RSAD2: variants seen among roughly 807,000 people sequenced by gnomAD.
The protein encoded by RSAD2 is S-adenosylmethionine-dependent nucleotide dehydratase RSAD2.
RSAD2 carries 38 observed loss-of-function variants against 37.7 expected under a neutral mutation model. The ratio of observed to expected loss-of-function variants is 1.01; its 90% CI spans 0.78 to 1.32. The LOEUF (loss-of-function observed/expected upper bound fraction) is 1.32. Among genes scored for constraint, RSAD2 ranks in the 40% most tolerant of loss-of-function variants. RSAD2 has a pLI of 0.00. For synonymous variants in RSAD2, 163 were observed against 157.4 expected (o/e 1.04, Z -0.27); for missense variants, 428 against 437.5 (o/e 0.98, Z 0.19).
In RSAD2 at chr2:6,895,751, T is replaced by C. The variant is rs748634793; in HGVS notation, c.922-27T>C. The C allele has an allele frequency of 8.7e-5, 139 of 1,600,462 alleles. No individual in the cohort carries two copies. The East Asian group carries it at 3.1e-3, about 35-fold the overall frequency. ...TTACAGGATTCATCACATGGAAATA[T>C]ACCAGTTTCTGTTATGAATTTTCTA... On this transcript the variant is annotated intron_variant, in intron 5 of 5. Coordinates refer to ENST00000382040, the MANE Select transcript of RSAD2 (RefSeq NM_080657.5).
chr2:6,889,427 C>A (rs77707762), intron 3 of RSAD2, among the ~76,000 whole-genome samples: 4,680 of 152,288 alleles, frequency 0.031, 98 homozygotes, highest in Middle Eastern at 0.062. Context: ...GAAGTGTTGA[C>A]AATTTCTTCT....
Position 6,877,966 on chromosome 2 carries a change from C to A in RSAD2, c.166C>A (p.Pro56Thr), listed in dbSNP as rs777786526. 6.2e-7 allele frequency: 1 copy of A among 1,614,106 alleles called. No individual in the cohort carries two copies. The highest frequency in any genetic ancestry group is 1.3e-5 in the African/African-American group (1 of 75,014). The change falls in exon 1 of 6, where the codon CCA (proline) becomes ACA (threonine). Residue 56 changes from proline (P) to threonine (T), a missense_variant. By Grantham distance (38) the Pro-to-Thr change is conservative (BLOSUM62 -1). Coordinates refer to ENST00000382040, the MANE Select transcript of RSAD2 (RefSeq NM_080657.5). ...AAAGCAGCAGCTGGTCCTGAGAGGG[C>A]CAGATGAGACCAAAGAGGAGGAAGA... ...RRKQQLVLRG[P>T]DETKEEEEDP... is the part of the protein sequence containing the mutation.
Position 6,886,922 on chromosome 2 carries a change from C to A in RSAD2, c.509-13C>A, listed in dbSNP as rs771782151. On this transcript the variant is annotated splice_polypyrimidine_tract_variant and intron_variant, in intron 2 of 5. Transcript: ENST00000382040. ...TTGGATAGAAAAGTTTAAACATGAT[C>A]ATTTTCCCTCAGGTGAGTATTTGGA... 20 of 1,603,522 alleles carry A rather than the reference C, an allele frequency of 1.2e-5. No individual in the cohort carries two copies. Among genetic ancestry groups the A allele is most frequent in the South Asian group, 2.2e-5 (2 of 90,792 alleles).
chr2:6,865,916 A>C, exon 1 of RSAD2: 10 of 1,388,864 alleles, frequency 7.2e-6, no homozygotes, highest in East Asian at 3.7e-5. Flanking sequence ...GTGCGCGATA[A>C]ACGGCCGGCG....
chr2:6,880,698 T>C (rs576309820), intron 1 of RSAD2, among the ~76,000 whole-genome samples: 4 of 152,216 alleles, frequency 2.6e-5, no homozygotes, highest in African/African-American at 9.6e-5. Context: ...TTCCTTGAAA[T>C]GCATGAGGCT....
Position 6,877,995 on chromosome 2 carries a change from C to T in RSAD2, c.195C>T (p.Asp65=), listed in dbSNP as rs1558333901. 6.2e-7 allele frequency: 1 copy of T among 1,614,064 alleles called. No homozygotes were observed. Among genetic ancestry groups the T allele is most frequent in the Non-Finnish European group, 8.5e-7 (1 of 1,179,994 alleles). The change falls in exon 1 of 6, where the codon GAC becomes GAT. Residue 65 remains aspartate (D), a synonymous_variant. Coordinates refer to ENST00000382040, the MANE Select transcript of RSAD2 (RefSeq NM_080657.5). Reference sequence around the variant, plus strand: ...ATGAGACCAAAGAGGAGGAAGAGGACCCTCCTCTGCCCACCACCCCAACCA... The same window carrying T: ...ATGAGACCAAAGAGGAGGAAGAGGATCCTCCTCTGCCCACCACCCCAACCA... ...GPDETKEEEE[D]PPLPTTPTSV...
At chr2:6,894,052 C>G (rs1277834581) in intron 5 of RSAD2, among the ~76,000 whole-genome samples, 2 of 152,212 alleles carry the variant, frequency 1.3e-5, no homozygotes, top group African/African-American at 4.8e-5. Context: ...GCTGGAGGCT[C>G]TCCTGAGATA....
At chr2:6,895,195 CTTCT>C (rs1663715302) in intron 5 of RSAD2, among the ~76,000 whole-genome samples, 1 of 152,226 alleles carries the variant, frequency 6.6e-6, no homozygotes, top group Non-Finnish European at 1.5e-5. Context: ...ATGGAAGACT[CTTCT>C]TGATCTGGCA....
chr2:6,891,593 C>T (rs1409436771), intron 4 of RSAD2, among the ~76,000 whole-genome samples: 1 of 152,114 alleles, frequency 6.6e-6, no homozygotes, highest in Non-Finnish European at 1.5e-5. Context: ...CAGTGAAACC[C>T]CATCTCTACT....
chr2:6,866,426 C>T (rs1296779532), intron 1 of RSAD2: 1 of 985,230 alleles, frequency 1.0e-6, no homozygotes, highest in Non-Finnish European at 1.2e-6. Context: ...ACACACTCAC[C>T]TGTGCACAAG....
chr2:6,866,209 G>T (rs1052909077), intron 1 of RSAD2, among the ~76,000 whole-genome samples: 1 of 152,186 alleles, frequency 6.6e-6, no homozygotes, highest in South Asian at 2.1e-4. Flanking sequence ...ACTTGCAGGC[G>T]CACTACTGCC....
chr2:6,867,956 C>T (rs953153079), intron 1 of RSAD2, among the ~76,000 whole-genome samples: 2 of 152,052 alleles, frequency 1.3e-5, no homozygotes, highest in African/African-American at 4.8e-5. Context: ...TTTTCAAGCC[C>T]CTTCAAATTT....
chr2:6,866,282 T>G, intron 1 of RSAD2: 1 of 296,804 alleles, frequency 3.4e-6, no homozygotes. Context: ...CTCCTAGCTC[T>G]GACCACGCGT....
At chr2:6,881,169 C>A (rs1269507665) in intron 1 of RSAD2, among the ~76,000 whole-genome samples, 2 of 152,220 alleles carry the variant, frequency 1.3e-5, no homozygotes, top group African/African-American at 4.8e-5. Flanking sequence ...TTATCTGCCA[C>A]TATATCACAT....
intron 1 of RSAD2, among the ~76,000 whole-genome samples, chr2:6,881,664 T>C (rs897502441): frequency 6.6e-6 from 1 of 152,144 alleles, no homozygotes; most frequent in African/African-American, 2.4e-5. Context: ...TCTCCTAGAA[T>C]GCAGGCAGGC....
At chr2:6,866,521 C>T in intron 1 of RSAD2, 2 of 979,722 alleles carry the variant, frequency 2.0e-6, no homozygotes, top group Admixed American at 6.1e-5. Flanking sequence ...CTCGAAATCG[C>T]CTTTCTTCCA....
rs1355699466 is a variant in RSAD2, at chr2:6,890,270, G to T, written c.833G>T (p.Arg278Ile). The T allele has an allele frequency of 6.2e-7, 1 of 1,614,190 alleles. No homozygotes were observed. The highest frequency in any genetic ancestry group is 8.5e-7 in the Non-Finnish European group (1 of 1,180,004). ...GTTATTGGTGATGAAGAATTTGAAA[G>T]ATTCTTGGAGCGCCACAAAGAAGTG... ...RFVIGDEEFE[R>I]FLERHKEVSC... The change falls in exon 4 of 6, where the codon AGA (arginine) becomes ATA (isoleucine). Residue 278 changes from arginine (R) to isoleucine (I), a missense_variant. Coordinates refer to ENST00000382040, the MANE Select transcript of RSAD2 (RefSeq NM_080657.5).
At chr2:6,872,960 G>C (rs948530364), upstream of RSAD2, among the ~76,000 whole-genome samples, 1 of 152,134 alleles carries the variant, frequency 6.6e-6, no homozygotes. Flanking sequence ...AACAGTTTCT[G>C]TTTCTGGCAT....
intron 1 of RSAD2, among the ~76,000 whole-genome samples, chr2:6,878,450 G>T (rs752833980): frequency 2.0e-5 from 3 of 152,100 alleles, no homozygotes; most frequent in Non-Finnish European, 2.9e-5. Context: ...TATTACACTT[G>T]GTGTTTGGAA....
Sources: gnomAD v4.1 joint callset for allele counts (sites outside exome capture counted in the v4.1 genomes callset) on GRCh38, gnomAD v4.1.1 for gene constraint, MANE v1.5 for transcripts, NCBI Gene and HGNC (gene_info 2026-07-23, HGNC 2026-07-21) for gene names.